Variants in TCF20 observed in about 807,000 individuals in gnomAD.
The protein encoded by TCF20 is transcription factor 20.
TCF20 carries 3 observed loss-of-function variants against 148.6 expected under a neutral mutation model. The ratio of observed to expected loss-of-function variants is 0.02; its 90% CI spans 0.01 to 0.05. TCF20 has a LOEUF of 0.05. Among genes scored for constraint, TCF20 ranks in the 10% least tolerant of loss-of-function variants. TCF20 has a pLI of 1.00. For missense variants in TCF20, 2,350 were observed against 2,429.3 expected, an observed-to-expected ratio of 0.97 and a Z score of 0.69; for synonymous variants, 1,049 against 909.5, an observed-to-expected ratio of 1.15 and a Z score of -2.76.
At chr22:42,274,695 A>G (rs983045082), upstream of TCF20, 7 of 152,066 alleles carry the variant, frequency 4.6e-5, no homozygotes, top group Non-Finnish European at 2.9e-5. Context: ...TTGCCCCTCC[A>G]CTCTGCCCTC....
At chr22:42,188,629 G>GC (rs534777826) in intron 2 of TCF20, among the ~76,000 whole-genome samples, 138 of 152,348 alleles carry the variant, frequency 9.1e-4, no homozygotes, top group African/African-American at 3.2e-3. Flanking sequence ...CCCTTGACAT[G>GC]CAGGTTTCTC....
chr22:42,242,778 A>G (rs1246924760), intron 1 of TCF20, among the ~76,000 whole-genome samples: 4 of 151,514 alleles, frequency 2.6e-5, no homozygotes, highest in Non-Finnish European at 5.9e-5. Flanking sequence ...TCCCAGCTAC[A>G]CGGGAGACTG....
intron 2 of TCF20, among the ~76,000 whole-genome samples, chr22:42,184,602 CCA>C (rs1936956318): frequency 6.6e-6 from 1 of 151,980 alleles, no homozygotes; most frequent in Admixed American, 6.6e-5. Flanking sequence ...TTGTTTTTGA[CCA>C]CAGTGTTACT....
At chr22:42,203,747 G>C (rs758434589) in intron 2 of TCF20, among the ~76,000 whole-genome samples, 4 of 152,208 alleles carry the variant, frequency 2.6e-5, no homozygotes, top group African/African-American at 7.2e-5. Flanking sequence ...GCTTGCCAGA[G>C]AGAGGGGGCT....
At chr22:42,307,593 T>G (rs1927458305) in intron 1 of TCF20, among the ~76,000 whole-genome samples, 1 of 152,244 alleles carries the variant, frequency 6.6e-6, no homozygotes, top group Non-Finnish European at 1.5e-5. Context: ...ACATCCCAAC[T>G]GTGATGATGG....
intron 1 of TCF20, among the ~76,000 whole-genome samples, chr22:42,319,323 G>C (rs1273472800): frequency 1.3e-5 from 2 of 152,146 alleles, no homozygotes; most frequent in Admixed American, 1.3e-4. Context: ...TGGGGGCCAG[G>C]CCACCTGCTG....
At chr22:42,260,648 T>A (rs1925982304) in intron 1 of TCF20, among the ~76,000 whole-genome samples, 1 of 152,158 alleles carries the variant, frequency 6.6e-6, no homozygotes, top group Non-Finnish European at 1.5e-5. Context: ...CCATGCCTGG[T>A]TAATTTTTAA....
upstream of TCF20, among the ~76,000 whole-genome samples, chr22:42,285,955 C>G (rs1480545235): frequency 2.6e-5 from 4 of 152,332 alleles, no homozygotes; most frequent in Non-Finnish European, 4.4e-5. This position sits in a 1 kb window ranked among gnomAD's most constrained non-coding sequence, Gnocchi z 4.2. Flanking sequence ...CCCATAGCAG[C>G]TCATATGCCG....
intron 1 of TCF20, among the ~76,000 whole-genome samples, chr22:42,324,047 T>TGGA (rs1927811027): frequency 9.2e-6 from 1 of 108,752 alleles, no homozygotes; most frequent in East Asian, 2.4e-4. Flanking sequence ...GTTATGGTGG[T>TGGA]GGTGGTGGTG....
chr22:42,212,482 AACTAGCTTGAGATTT>A lies in TCF20; in HGVS notation c.2809_2823del (p.Lys937_Ser941del). ...TGGTCTCCAGATTTCTTGTTGTTGAAACTAGCTTGAGATTTAGACTGTTCAAAGTCTTCCTCTTTT... is the reference window on the plus strand; with the variant it reads ...TGGTCTCCAGATTTCTTGTTGTTGAAAGACTGTTCAAAGTCTTCCTCTTTT... On this transcript the variant is annotated inframe_deletion, in exon 2 of 6. Transcript: ENST00000677622. 2 of 1,614,150 alleles carry A rather than the reference AACTAGCTTGAGATTT, an allele frequency of 1.2e-6. No homozygotes were observed. Among genetic ancestry groups the A allele is most frequent in the Non-Finnish European group, 1.7e-6 (2 of 1,180,022 alleles).
chr22:42,183,647 T>C (rs1168838266), intron 2 of TCF20, among the ~76,000 whole-genome samples: 3 of 152,248 alleles, frequency 2.0e-5, no homozygotes, highest in African/African-American at 7.2e-5. Context: ...GTGTTGGACT[T>C]TGAACCTACA....
chr22:42,263,291 T>C (rs145942806), intron 1 of TCF20, among the ~76,000 whole-genome samples: 109 of 152,312 alleles, frequency 7.2e-4, no homozygotes, highest in African/African-American at 2.5e-3. Flanking sequence ...CCTCAGGTAA[T>C]TGGTCTCCCA....
At position 42,215,032 on chromosome 22, in the gene TCF20, T is replaced by C. The variant is rs776561484; in HGVS notation, c.274A>G (p.Met92Val). 3 of 1,614,140 alleles carry C rather than the reference T, an allele frequency of 1.9e-6. No homozygotes were observed. The highest frequency in any genetic ancestry group is 2.5e-6 in the Non-Finnish European group (3 of 1,180,030). ...GTCACGGGGTCTTTGTTGCCTGCCA[T>C]GTAGTAAAAATCTCCAGCCTCTTTC... Reference protein sequence around the residue: ...FRKEAGDFYYMAGNKDPVTTG... With the variant: ...FRKEAGDFYYVAGNKDPVTTG... The change falls in exon 2 of 6, where the codon ATG (methionine) becomes GTG (valine). Residue 92 changes from methionine to valine, a missense_variant. Physicochemically the swap from Met to Val is conservative, Grantham distance 21. This residue lies in a region of TCF20 where 1,641 missense variants were observed against 1,662.6 expected (regional missense o/e 0.99). Coordinates refer to ENST00000677622, the MANE Select transcript of TCF20 (RefSeq NM_001378418.1).
At chr22:42,251,247 C>T (rs893868523) in intron 1 of TCF20, among the ~76,000 whole-genome samples, 24 of 152,110 alleles carry the variant, frequency 1.6e-4, no homozygotes, top group Non-Finnish European at 4.4e-5. Flanking sequence ...GCCCAGACAG[C>T]GCCATCACAG....
chr22:42,301,726 G>A lies in TCF20; in HGVS notation c.-37+41753C>T, dbSNP rs62238219. On this transcript the variant is annotated intron_variant, in intron 1 of 1. Transcript: ENST00000515426. ...TTGCAGGCTGGGGAGACCTGGCTGC[G>A]TCCCTTGGCTCCCTGAAGTCTGTCG... 5.2e-3 allele frequency among the ~76,000 whole-genome samples: 793 copies of A among 152,328 alleles called. 2 individuals are homozygous for A. The highest frequency in any genetic ancestry group is 9.1e-3 in the Non-Finnish European group (618 of 68,022).
intron 1 of TCF20, among the ~76,000 whole-genome samples, chr22:42,310,972 T>A (rs887358158): frequency 6.6e-6 from 1 of 152,254 alleles, no homozygotes; most frequent in Non-Finnish European, 1.5e-5. Context: ...TGGATGACAC[T>A]GGCTCATCAA....
In TCF20 at chr22:42,211,625, T is replaced by C. The variant is rs1261884164; in HGVS notation, c.3681A>G (p.Thr1227=). The C allele has an allele frequency of 1.9e-6, 3 of 1,614,112 alleles. No homozygotes were observed. The highest frequency in any genetic ancestry group is 2.2e-5 in the East Asian group (1 of 44,904). ...TAACACTACCAGGTTTGGATGACTG[T>C]GTAGCCTCAGCTAGTCCATGTCCAT... is the stretch of plus-strand genomic sequence containing the variant. ...ETDGHGLAEA[T]QSSKPGSVML... is the part of the protein sequence containing the mutation. Residue 1227 remains threonine (T), a synonymous_variant, in exon 2 of 6, where the codon ACA becomes ACG. Transcript: ENST00000677622.
At chr22:42,331,629 G>C (rs1368378212) in intron 1 of TCF20, among the ~76,000 whole-genome samples, 1 of 152,256 alleles carries the variant, frequency 6.6e-6, no homozygotes, top group Non-Finnish European at 1.5e-5. Flanking sequence ...CAAGTCCCTT[G>C]ACATGTCTAG....
intron 1 of TCF20, among the ~76,000 whole-genome samples, chr22:42,222,114 G>T (rs1325637848): frequency 6.6e-6 from 1 of 152,144 alleles, no homozygotes; most frequent in Non-Finnish European, 1.5e-5. Flanking sequence ...AGTACTTAAG[G>T]ACTCTGGACA....
Sources: allele counts gnomAD v4.1 joint callset (sites outside exome capture counted in the v4.1 genomes callset), GRCh38; gene constraint gnomAD v4.1.1; regional missense constraint gnomAD v4.1.1; non-coding constraint Gnocchi (gnomAD v3.1); transcripts MANE v1.5; gene names NCBI Gene and HGNC (gene_info 2026-07-23, HGNC 2026-07-21).